Variants in GNRH1 observed in about 807,000 individuals in gnomAD.
The protein encoded by GNRH1 is progonadoliberin-1.
Under a neutral mutation model 13.6 loss-of-function variants are expected in GNRH1, and 9 were observed. That is an observed-to-expected ratio of 0.66 (90% CI 0.40 to 1.15). The LOEUF (loss-of-function observed/expected upper bound fraction) is 1.15. Ranked by LOEUF, GNRH1 falls within the 50% of genes most tolerant of loss-of-function variation. The pLI is 0.01. For synonymous variants in GNRH1, 44 were observed against 40.1 expected, an observed-to-expected ratio of 1.10 and a Z score of -0.37; for missense variants, 116 against 110.8, an observed-to-expected ratio of 1.05 and a Z score of -0.21.
intron 1 of GNRH1, chr8:25,423,748 T>G: frequency 4.5e-6 from 1 of 222,182 alleles, no homozygotes; most frequent in South Asian, 6.4e-5. Flanking sequence ...CTACTAGGAA[T>G]CTCTGGCTAA....
At chr8:25,420,885 C>T (rs1317811258) in intron 3 of GNRH1, among the ~76,000 whole-genome samples, 1 of 152,032 alleles carries the variant, frequency 6.6e-6, no homozygotes, top group Non-Finnish European at 1.5e-5. Flanking sequence ...AGAGCAAGAT[C>T]CTGTCTCAAC....
upstream of GNRH1, chr8:25,424,376 A>G (rs529462726): frequency 2.0e-5 from 3 of 150,662 alleles, no homozygotes; most frequent in South Asian, 6.3e-4. Flanking sequence ...TTTAATGGTA[A>G]TTTTTAAAAA....
In GNRH1 at chr8:25,419,542, A is replaced by G. The variant is rs925421064; in HGVS notation, c.238-82T>C. 7 of 800,656 alleles carry G rather than the reference A, an allele frequency of 8.7e-6. No individual in the cohort carries two copies. In the African/African-American group the frequency reaches 1.2e-4, roughly 14 times the overall value. The allele number at this position is 800,656 out of a possible 1,614,324, so 49.6% of individuals were successfully genotyped here. On this transcript the variant is annotated intron_variant, in intron 3 of 3. Coordinates refer to ENST00000421054, the MANE Select transcript of GNRH1 (RefSeq NM_001083111.2). ...ATTTTGACATTTTAATTTCTAAAAT[A>G]TCAGTCTGGAAGGAATTGGTCTGTT... is the stretch of plus-strand genomic sequence containing the variant.
chr8:25,423,415 A>G, intron 1 of GNRH1, 84 bp from the exon 2 acceptor site: 1 of 1,194,974 alleles, frequency 8.4e-7, no homozygotes, highest in Non-Finnish European at 1.2e-6. Context: ...AAAAGCTAGC[A>G]TCTGTATCAC....
chr8:25,423,322 T>C lies in GNRH1; in HGVS notation c.9A>G (p.Pro3=). The C allele has an allele frequency of 6.2e-7, 1 of 1,613,110 alleles. No homozygotes were observed. The highest frequency in any genetic ancestry group is 1.1e-5 in the South Asian group (1 of 91,056). The stretch of plus-strand genomic sequence containing the variant: ...TAAGGCCAGCTAGGAGTTTTTGAAT[T>C]GGCTTCATTCTAAGGCACATGAATG... MK[P]IQKLLAGLIL... The change falls in exon 2 of 4, where the codon CCA becomes CCG. Residue 3 remains proline (P), a synonymous_variant. Transcript: ENST00000421054.
chr8:25,421,610 T>C lies in GNRH1; in HGVS notation c.200A>G (p.Gln67Arg), dbSNP rs1282513527. Reference sequence around the variant, plus strand: ...CAGGTCTCGGAGGGGAGAACGTGGCTGGTGCGTGGTGCATTCGAAGCGTTG... The same window carrying C: ...CAGGTCTCGGAGGGGAGAACGTGGCCGGTGCGTGGTGCATTCGAAGCGTTG... ...ETQRFECTTH[Q>R]PRSPLRDLKG... Residue 67 changes from glutamine to arginine, a missense_variant, in exon 3 of 4, where the codon CAG becomes CGG. Physicochemically the swap from Gln to Arg is conservative, Grantham distance 43 (BLOSUM62 1). Coordinates refer to ENST00000421054, the MANE Select transcript of GNRH1 (RefSeq NM_001083111.2). 1.2e-6 allele frequency: 2 copies of C among 1,605,768 alleles called. No individual in the cohort carries two copies. Among genetic ancestry groups the C allele is most frequent in the Non-Finnish European group, 1.7e-6 (2 of 1,174,256 alleles).
At chr8:25,421,767 ATGTGGGGCTGGGGG>A in intron 2 of GNRH1, 99 bp from the exon 3 acceptor site, 2 of 263,476 alleles carry the variant, frequency 7.6e-6, no homozygotes, top group Non-Finnish European at 1.5e-5. Context: ...GTCAAGGGGG[ATGTGGGGCTGGGGG>A]AGATTGGGAA....
chr8:25,423,276 C>G lies in GNRH1; in HGVS notation c.55G>C (p.Glu19Gln). The G allele has an allele frequency of 1.2e-6, 2 of 1,612,170 alleles. No individual in the cohort carries two copies. The highest frequency in any genetic ancestry group is 1.7e-6 in the Non-Finnish European group (2 of 1,178,234). Residue 19 changes from glutamate (E) to glutamine (Q), a missense_variant, in exon 2 of 4, where the codon GAA (glutamate) becomes CAA (glutamine). By Grantham distance (29) the Glu-to-Gln change is conservative (BLOSUM62 2). Transcript: ENST00000421054. ...AGLILLTWCVEGCSSQHWSYG... is the reference protein window; with the variant it reads ...AGLILLTWCVQGCSSQHWSYG... ...GACCAGTGCTGGCTGGAGCAGCCTTCCACGCACCAAGTCAGTAGAATAAGG... is the reference window on the plus strand; with the variant it reads ...GACCAGTGCTGGCTGGAGCAGCCTTGCACGCACCAAGTCAGTAGAATAAGG...
intron 3 of GNRH1, among the ~76,000 whole-genome samples, chr8:25,420,023 T>C (rs1801750513): frequency 6.6e-6 from 1 of 152,250 alleles, no homozygotes. Flanking sequence ...TCAATTACTT[T>C]GCTATTAAAC....
At chr8:25,423,493 C>G in intron 1 of GNRH1, 162 bp from the exon 2 acceptor site, 1 of 662,268 alleles carries the variant, frequency 1.5e-6, no homozygotes, top group Non-Finnish European at 2.6e-6. Context: ...GAGACACTTG[C>G]TGGCTTGCCT....
intron 1 of GNRH1, 139 bp from the exon 2 acceptor site, chr8:25,423,470 A>G: frequency 1.4e-6 from 1 of 737,504 alleles, no homozygotes; most frequent in Non-Finnish European, 2.3e-6. Flanking sequence ...TTACATACAG[A>G]CACTGAAACT....
intron 2 of GNRH1, 35 bp downstream of exon 2, chr8:25,423,155 C>G: frequency 6.9e-7 from 1 of 1,452,084 alleles, no homozygotes; most frequent in South Asian, 1.1e-5. Flanking sequence ...TGAATAAAAT[C>G]ACTATGTCTT....
At chr8:25,422,264 G>T (rs942869477) in intron 2 of GNRH1, among the ~76,000 whole-genome samples, 1 of 152,138 alleles carries the variant, frequency 6.6e-6, no homozygotes, top group African/African-American at 2.4e-5. Flanking sequence ...TGACCCTGAT[G>T]AGTGGTCATA....
At chr8:25,421,536 T>C (rs758913295) in intron 3 of GNRH1, 37 bp downstream of exon 3, 1 of 1,060,082 alleles carries the variant, frequency 9.4e-7, no homozygotes, top group Non-Finnish European at 1.5e-6. Context: ...CCTCTAGAGC[T>C]CTATGCTGTG....
At position 25,423,441 on chromosome 8, in the gene GNRH1, T is replaced by C. The variant is rs886062837; in HGVS notation, c.-1-110A>G. The C allele has an allele frequency of 1.1e-4, 109 of 955,086 alleles. 1 individual carries two copies. Among genetic ancestry groups the C allele is most frequent in the South Asian group, 8.9e-4 (65 of 73,312 alleles). The allele number at this position is 955,086 out of a possible 1,614,324, so 59.2% of individuals were successfully genotyped here. ...TCTGTATCACTAACCCTGCAGAAGA[T>C]GGAAGTCAGAGTCAGTTTTTACATA... On this transcript the variant is annotated intron_variant, in intron 1 of 3. Coordinates refer to ENST00000421054, the MANE Select transcript of GNRH1 (RefSeq NM_001083111.2).
intron 2 of GNRH1, among the ~76,000 whole-genome samples, chr8:25,422,787 G>C (rs993392204): frequency 6.6e-6 from 1 of 151,978 alleles, no homozygotes; most frequent in South Asian, 2.1e-4. Context: ...TTATAAAAAT[G>C]TACTGATCTA....
At position 25,423,200 on chromosome 8, in the gene GNRH1, G is replaced by GTCC. The variant is rs1563241336; in HGVS notation, c.130_131insGGA (p.Ser44delinsTrpThr). 6.2e-7 allele frequency: 1 copy of GTCC among 1,610,790 alleles called. No individual in the cohort carries two copies. Among genetic ancestry groups the GTCC allele is most frequent in the Non-Finnish European group, 8.5e-7 (1 of 1,176,976 alleles). On this transcript the variant is annotated protein_altering_variant, in exon 2 of 4. Coordinates refer to ENST00000421054, the MANE Select transcript of GNRH1 (RefSeq NM_001083111.2). ...CTGAGAGAAACTTACCTCTTGGAAA[G>GTCC]AATCAATCAAATTTTCGGCATCTCT...
Position 25,421,630 on chromosome 8 carries a change from G to A in GNRH1, c.180C>T (p.Arg60=), listed in dbSNP as rs1415496715. ...KEVGQLAETQ[R]FECTTHQPRS... ...GTGGCTGGTGCGTGGTGCATTCGAA[G>A]CGTTGGGTTTCTGCCAGTTGACCAA... The change falls in exon 3 of 4, where the codon CGC becomes CGT. Residue 60 remains arginine, a synonymous_variant. Transcript: ENST00000421054. The A allele has an allele frequency of 1.9e-6, 3 of 1,606,324 alleles. No homozygotes were observed. Among genetic ancestry groups the A allele is most frequent in the African/African-American group, 1.3e-5 (1 of 74,702 alleles).
intron 2 of GNRH1, 93 bp from the exon 3 acceptor site, chr8:25,421,761 A>ATT: frequency 1.8e-5 from 5 of 271,116 alleles, no homozygotes; most frequent in East Asian, 1.0e-4. Context: ...AGTGGGGTCA[A>ATT]GGGGGATGTG....
Sources: allele counts gnomAD v4.1 joint callset (sites outside exome capture counted in the v4.1 genomes callset), GRCh38; gene constraint gnomAD v4.1.1; transcripts MANE v1.5; gene names NCBI Gene and HGNC (gene_info 2026-07-23, HGNC 2026-07-21).